GPM6B: variants seen among roughly 807,000 people sequenced by gnomAD.
GPM6B encodes the protein neuronal membrane glycoprotein M6-b.
GPM6B carries 4 observed loss-of-function variants against 27.2 expected under a neutral mutation model. That is an observed-to-expected ratio of 0.15 (90% CI 0.07 to 0.34). GPM6B has a LOEUF of 0.34. GPM6B is among the 10% of genes least tolerant of loss of function. The pLI is 1.00. For synonymous variants in GPM6B, 124 were observed against 103.1 expected (o/e 1.20, Z -1.23); for missense variants, 183 against 261.9 (o/e 0.70, Z 2.08).
At chrX:13,900,063 A>G (rs1331105821) in intron 1 of GPM6B, among the ~76,000 whole-genome samples, 2 of 112,018 alleles carry the variant, frequency 1.8e-5, no homozygotes, top group East Asian at 2.8e-4. Context: ...AACTCATTTA[A>G]TAGAGTGAAG....
At position 13,865,542 on chromosome X, in the gene GPM6B, C is replaced by CAAAAAAAAAA. The variant is rs1171503867; in HGVS notation, c.-198+72775_-198+72784dup. ...ACCACACGGTAAAAATCCATCTCTT[C>CAAAAAAAAAA]AAAAAAAAAAAAAAAAAAAAGAAAG... On this transcript the variant is annotated intron_variant, in intron 1 of 6. Coordinates refer to the GPM6B transcript ENST00000398361. 7.0e-3 allele frequency among the ~76,000 whole-genome samples: 102 copies of CAAAAAAAAAA among 14,596 alleles called. 4 individuals are homozygous for CAAAAAAAAAA. Among genetic ancestry groups the CAAAAAAAAAA allele is most frequent in the Non-Finnish European group, 0.011 (70 of 6,212 alleles). 12.7% of individuals were successfully genotyped at this position (14,596 alleles called of 115,157 possible).
chrX:13,785,561 G>A, intron 3 of GPM6B, 61 bp downstream of exon 3: 1 of 1,072,728 alleles, frequency 9.3e-7, no homozygotes. Context: ...TTGCTGGGAT[G>A]ACAGGCATGA....
chrX:13,830,796 G>A (rs2049429458), intron 1 of GPM6B, among the ~76,000 whole-genome samples: 1 of 111,765 alleles, frequency 8.9e-6, no homozygotes. Context: ...AAAGGGAAAC[G>A]TTTTTATTTT....
chrX:13,837,724 G>C (rs112212234), intron 1 of GPM6B, among the ~76,000 whole-genome samples: 2,944 of 32,711 alleles, frequency 0.09, 336 homozygotes, highest in Admixed American at 0.17. Flanking sequence ...GGGGGGGGGG[G>C]GGGGAAGCAG....
chrX:13,901,510 T>C (rs965443494), intron 1 of GPM6B, among the ~76,000 whole-genome samples: 2 of 111,012 alleles, frequency 1.8e-5, no homozygotes, highest in African/African-American at 3.3e-5. Flanking sequence ...GTCGTGGTGT[T>C]TGAAGGAGCT....
intron 1 of GPM6B, among the ~76,000 whole-genome samples, chrX:13,867,776 C>G (rs1030453846): frequency 9.0e-6 from 1 of 111,699 alleles, no homozygotes; most frequent in African/African-American, 3.3e-5. Context: ...TGGGTCTCAG[C>G]AACCAAATGC....
At chrX:13,824,381 T>C (rs1322032484) in intron 1 of GPM6B, among the ~76,000 whole-genome samples, 8 of 112,311 alleles carry the variant, frequency 7.1e-5, no homozygotes, top group African/African-American at 2.6e-4. Flanking sequence ...TTTTAAAATA[T>C]TGATGCTGGG....
chrX:13,821,537 C>T (rs956064407), upstream of GPM6B, among the ~76,000 whole-genome samples: 3 of 112,566 alleles, frequency 2.7e-5, no homozygotes, highest in African/African-American at 9.7e-5. Flanking sequence ...TTCATTCATT[C>T]GTTTATTCAT....
chrX:13,839,075 T>C (rs956786006), intron 1 of GPM6B, among the ~76,000 whole-genome samples: 1 of 111,452 alleles, frequency 9.0e-6, no homozygotes, highest in Non-Finnish European at 1.9e-5. Context: ...CCCATAATAC[T>C]TTGAGATGTT....
At chrX:13,885,716 G>A (rs995551411) in intron 1 of GPM6B, among the ~76,000 whole-genome samples, 3 of 110,972 alleles carry the variant, frequency 2.7e-5, no homozygotes, top group African/African-American at 9.8e-5. Context: ...CAGGCATCTT[G>A]TGGTCCCACC....
At chrX:13,824,829 G>A (rs972162666) in intron 1 of GPM6B, among the ~76,000 whole-genome samples, 2 of 112,231 alleles carry the variant, frequency 1.8e-5, no homozygotes, top group African/African-American at 6.5e-5. Context: ...CACAAAGTGG[G>A]TGGCTTTAAA....
upstream of GPM6B, among the ~76,000 whole-genome samples, chrX:13,817,690 A>G (rs1264731182): frequency 3.6e-5 from 4 of 112,421 alleles, no homozygotes; most frequent in Non-Finnish European, 7.5e-5. Context: ...TATAAATTAA[A>G]GAGGGGGAGA....
rs2050152358 is a variant in GPM6B, at chrX:13,887,889, T to C, written c.-198+50438A>G. 2.7e-5 allele frequency among the ~76,000 whole-genome samples: 3 copies of C among 111,755 alleles called. No individual in the cohort carries two copies. In the South Asian group the frequency reaches 1.1e-3, roughly 42 times the overall value. ...CAGTGAAGTTTGAGAACCAGTGGGA[T>C]ATGGGCATCTCAGAACTACTGAGGA... is the stretch of plus-strand genomic sequence containing the variant. On this transcript the variant is annotated intron_variant, in intron 1 of 6. Coordinates refer to the GPM6B transcript ENST00000398361.
chrX:13,849,418 G>C (rs1342646589), intron 1 of GPM6B, among the ~76,000 whole-genome samples: 1 of 112,576 alleles, frequency 8.9e-6, no homozygotes, highest in East Asian at 2.8e-4. Flanking sequence ...ACATTCACTT[G>C]ATTCTTTCAT....
At chrX:13,905,909 T>C (rs1603127797) in intron 1 of GPM6B, among the ~76,000 whole-genome samples, 1 of 111,594 alleles carries the variant, frequency 9.0e-6, no homozygotes, top group Non-Finnish European at 1.9e-5. Context: ...TGAATCCATC[T>C]TGATGCTGAA....
At chrX:13,896,577 TC>T (rs201728836) in intron 1 of GPM6B, among the ~76,000 whole-genome samples, 1 of 110,917 alleles carries the variant, frequency 9.0e-6, no homozygotes, top group African/African-American at 3.3e-5. Flanking sequence ...CTCTTTTTTT[TC>T]AAATTGAGAC....
At position 13,783,524 on chromosome X, in the gene GPM6B, A is replaced by G; in HGVS notation, c.369-3T>C. 1 of 1,190,204 alleles carries G rather than the reference A, an allele frequency of 8.4e-7. No individual in the cohort carries two copies. The highest frequency in any genetic ancestry group is 1.1e-6 in the Non-Finnish European group (1 of 883,156). On this transcript the variant is annotated splice_region_variant and splice_polypyrimidine_tract_variant and intron_variant, in intron 3 of 7. Coordinates refer to ENST00000316715, the MANE Select transcript of GPM6B (RefSeq NM_001001995.3). ...TGACATACTGCATCAGTTGTATCCT[A>G]CAAAGAGAAGAAGAGATCCTGAACC...
intron 3 of GPM6B, among the ~76,000 whole-genome samples, chrX:13,784,213 C>T (rs2048569180): frequency 8.9e-6 from 1 of 112,850 alleles, no homozygotes; most frequent in South Asian, 3.6e-4. Context: ...ACCTGGATCC[C>T]GCCCCCAGAG....
chrX:13,853,402 G>A (rs1419630676), intron 1 of GPM6B, among the ~76,000 whole-genome samples: 13 of 109,201 alleles, frequency 1.2e-4, no homozygotes, highest in African/African-American at 3.3e-4. Flanking sequence ...TCAGGAGTTC[G>A]GGACCAGCCT....
Sources: gnomAD v4.1 joint callset for allele counts (sites outside exome capture counted in the v4.1 genomes callset) on GRCh38, gnomAD v4.1.1 for gene constraint, MANE v1.5 for transcripts, NCBI Gene and HGNC (gene_info 2026-07-23, HGNC 2026-07-21) for gene names.